The following NDRG4 variants were observed in gnomAD, a reference collection of about 807,000 sequenced individuals.
NDRG4 encodes the protein protein NDRG4.
Under a neutral mutation model 55.8 loss-of-function variants are expected in NDRG4, and 38 were observed. The observed-to-expected ratio is 0.68, with a 90% CI of 0.53 to 0.89. The LOEUF (loss-of-function observed/expected upper bound fraction) is 0.89. Among genes scored for constraint, NDRG4 ranks in the 40% least tolerant of loss-of-function variants. The probability of loss-of-function intolerance (pLI) is 0.00; values close to 1 mark genes in which losing one functional copy is unlikely to be tolerated. For missense variants in NDRG4, 455 were observed against 468.6 expected, an observed-to-expected ratio of 0.97 and a Z score of 0.27; for synonymous variants, 190 against 182.7, an observed-to-expected ratio of 1.04 and a Z score of -0.32.
At position 58,464,476 on chromosome 16, in the gene NDRG4, C is replaced by T; in HGVS notation, c.-24+679C>T. The T allele has an allele frequency of 7.6e-7, 1 of 1,316,556 alleles. No homozygotes were observed. Among genetic ancestry groups the T allele is most frequent in the African/African-American group, 1.5e-5 (1 of 64,918 alleles). The allele number at this position is 1,316,556 out of a possible 1,614,324, so 81.6% of individuals were successfully genotyped here. A position where few individuals can be genotyped will look rare whatever the true frequency, so the allele number is the denominator to read the frequency against. ...GCTGGAGCTGCTCACAGGTACCGCC[C>T]GCCTGCCCCGCAGCCGGCCGCCACT... On this transcript the variant is annotated intron_variant, in intron 1 of 15. Coordinates refer to the NDRG4 transcript ENST00000258187. The surrounding 1 kb of genome is among the most constrained non-coding windows in gnomAD (Gnocchi z 4.8).
At chr16:58,506,767 A>G in intron 7 of NDRG4, 145 bp from the exon 8 acceptor site, 1 of 1,166,588 alleles carries the variant, frequency 8.6e-7, no homozygotes, top group Non-Finnish European at 1.2e-6. Flanking sequence ...CCAAGGCCCC[A>G]CACCTCCTAC....
chr16:58,490,739 G>C (rs1205059606), intron 2 of NDRG4, among the ~76,000 whole-genome samples: 6 of 152,224 alleles, frequency 3.9e-5, no homozygotes, highest in African/African-American at 1.4e-4. Flanking sequence ...CACTTTGGGA[G>C]CCCAAGGTGG....
intron 13 of NDRG4, among the ~76,000 whole-genome samples, 174 bp from the exon 14 acceptor site, chr16:58,510,471 G>A (rs1395745078): frequency 6.6e-6 from 1 of 152,160 alleles, no homozygotes; most frequent in East Asian, 1.9e-4. Flanking sequence ...TGCTGGGTGG[G>A]CAGGCAGGAG....
intron 1 of NDRG4, chr16:58,502,113 AG>A (rs1390283593): frequency 2.3e-6 from 1 of 429,292 alleles, no homozygotes; most frequent in Non-Finnish European, 4.9e-6. Context: ...GGCACCTGGC[AG>A]GGCCTGCCCT....
upstream of NDRG4, among the ~76,000 whole-genome samples, chr16:58,498,499 G>T (rs1310795468): frequency 1.3e-5 from 2 of 152,238 alleles, no homozygotes; most frequent in African/African-American, 4.8e-5. Flanking sequence ...CAGTCAGCAT[G>T]CAGGGCCATC....
chr16:58,503,611 C>A, intron 1 of NDRG4, 187 bp from the exon 2 acceptor site: 1 of 1,147,388 alleles, frequency 8.7e-7, no homozygotes, highest in Non-Finnish European at 1.3e-6. Flanking sequence ...CTGTACTGAA[C>A]AGCCCTGAGA....
intron 5 of NDRG4, 43 bp downstream of exon 5, chr16:58,504,692 G>A (rs758974571): frequency 6.2e-7 from 1 of 1,611,194 alleles, no homozygotes; most frequent in South Asian, 1.1e-5. Context: ...ACCAGGGCAA[G>A]CCAGGGATGT....
intron 2 of NDRG4, chr16:58,494,841 A>AAG (rs982863277): frequency 5.4e-5 from 43 of 800,050 alleles, no homozygotes; most frequent in Non-Finnish European, 7.9e-5. Context: ...CTAAAAAAAA[A>AAG]AAAAAAGAAA....
In NDRG4 at chr16:58,464,547, C is replaced by T; in HGVS notation, c.-24+750C>T. ...CGGGCGCGGCGGCCGGGGACTGGGG[C>T]GGCTCGGGTCTGAGCAGGAAGGGGT... is the stretch of plus-strand genomic sequence containing the variant. On this transcript the variant is annotated intron_variant, in intron 1 of 15. Coordinates refer to the NDRG4 transcript ENST00000258187. The surrounding 1 kb of genome is among the most constrained non-coding windows in gnomAD (Gnocchi z 4.8). 2 of 1,227,432 alleles carry T rather than the reference C, an allele frequency of 1.6e-6. No individual in the cohort carries two copies. The highest frequency in any genetic ancestry group is 1.6e-5 in the African/African-American group (1 of 63,642). The allele number at this position is 1,227,432 out of a possible 1,614,324, so 76.0% of individuals were successfully genotyped here. A position where few individuals can be genotyped will look rare whatever the true frequency, so the allele number is the denominator to read the frequency against.
At chr16:58,484,857 A>T (rs1597147269) in intron 1 of NDRG4, among the ~76,000 whole-genome samples, 6 of 148,568 alleles carry the variant, frequency 4.0e-5, no homozygotes, top group African/African-American at 1.3e-4. Flanking sequence ...CTTATCACAC[A>T]GCTTCTTAAA....
downstream of NDRG4, chr16:58,515,336 C>T: frequency 1.7e-6 from 1 of 588,518 alleles, no homozygotes; most frequent in Non-Finnish European, 2.9e-6. Flanking sequence ...TCTCCTTCTG[C>T]ACTCGCAGCG....
At chr16:58,471,325 C>T (rs1477022088) in intron 1 of NDRG4, among the ~76,000 whole-genome samples, 1 of 151,196 alleles carries the variant, frequency 6.6e-6, no homozygotes, top group Non-Finnish European at 1.5e-5. Flanking sequence ...ATAGCAGCCA[C>T]AGGAAACCAG....
At position 58,504,595 on chromosome 16, in the gene NDRG4, G is replaced by A. The variant is rs746068322; in HGVS notation, c.318G>A (p.Lys106=). ...CCAGCCTGCTCTGCACCAGGTTCAA[G>A]TATGTGATTGGCATCGGAGTGGGCG... The part of the protein sequence containing the change: ...LPSVVQHFGF[K]YVIGIGVGAG... The change falls in exon 5 of 15, where the codon AAG becomes AAA. Residue 106 remains lysine (K), a synonymous_variant. Transcript: ENST00000570248. 34 of 1,614,056 alleles carry A rather than the reference G, an allele frequency of 2.1e-5. No homozygotes were observed. In the South Asian group the frequency reaches 3.6e-4, roughly 17 times the overall value.
At chr16:58,466,992 G>A (rs1051074659) in intron 1 of NDRG4, among the ~76,000 whole-genome samples, 2 of 152,102 alleles carry the variant, frequency 1.3e-5, no homozygotes, top group Admixed American at 6.6e-5. Flanking sequence ...GCTTTCCTGC[G>A]TCTGTGAGAT....
intron 1 of NDRG4, chr16:58,463,819 C>A (rs1005297138): frequency 6.6e-6 from 1 of 152,260 alleles, no homozygotes; most frequent in Non-Finnish European, 1.5e-5. Flanking sequence ...GCGCCCTCGC[C>A]CCTGAGCCCA....
chr16:58,511,301 A>T, intron 14 of NDRG4, 121 bp from the exon 15 acceptor site: 1 of 1,152,800 alleles, frequency 8.7e-7, no homozygotes, highest in Non-Finnish European at 1.2e-6. Flanking sequence ...CTGACTCAGG[A>T]GGAGCCCTTT....
intron 8 of NDRG4, 196 bp downstream of exon 8, chr16:58,507,211 CG>C (rs751495850): frequency 2.7e-5 from 16 of 585,532 alleles, no homozygotes; most frequent in East Asian, 5.6e-5. Context: ...TTTCAGACTC[CG>C]GGCCTTGGGC....
chr16:58,485,314 G>T (rs961267473), intron 1 of NDRG4, among the ~76,000 whole-genome samples: 6 of 152,084 alleles, frequency 3.9e-5, no homozygotes, highest in Non-Finnish European at 8.8e-5. Context: ...AGACATTCCC[G>T]GTTCTCTGGA....
rs202187081 is a variant in NDRG4, at chr16:58,506,406, T to C, written c.392T>C (p.Val131Ala). The C allele has an allele frequency of 3.5e-5, 56 of 1,611,324 alleles. No individual in the cohort carries two copies. In the East Asian group the frequency reaches 1.1e-3, roughly 32 times the overall value. Residue 131 changes from valine (V) to alanine (A), a missense_variant, in exon 6 of 15, where the codon GTG (valine) becomes GCG (alanine). By Grantham distance (64) the Val-to-Ala change is moderately conservative. Coordinates refer to ENST00000570248, the MANE Select transcript of NDRG4 (RefSeq NM_001242835.2). ...CTGCAGCTCATCTTCCCCGACCTGG[T>C]GGAGGGGCTGGTGCTGGTGAACATC... is the stretch of plus-strand genomic sequence containing the variant. Reference protein sequence around the residue: ...AKFALIFPDLVEGLVLVNIDP... With the variant: ...AKFALIFPDLAEGLVLVNIDP...
Sources: gnomAD v4.1 joint callset for allele counts (sites outside exome capture counted in the v4.1 genomes callset) on GRCh38, gnomAD v4.1.1 for gene constraint, Gnocchi (gnomAD v3.1) non-coding constraint, MANE v1.5 for transcripts, NCBI Gene and HGNC (gene_info 2026-07-23, HGNC 2026-07-21) for gene names.